The following DYNLL1 variants were observed in gnomAD, a reference collection of about 807,000 sequenced individuals.
The protein encoded by DYNLL1 is dynein light chain LC8-type 1, also known as dynein light chain 1, cytoplasmic.
A neutral mutation model predicts 10.1 loss-of-function variants in DYNLL1; 3 were observed. The ratio of observed to expected loss-of-function variants is 0.30; its 90% CI spans 0.14 to 0.77. The LOEUF is 0.77. Among genes scored for constraint, DYNLL1 ranks in the 30% least tolerant of loss-of-function variants. DYNLL1 has a pLI of 0.66. For synonymous variants in DYNLL1, 46 were observed against 41.2 expected, an observed-to-expected ratio of 1.12 and a Z score of -0.45; for missense variants, 47 against 111.7, an observed-to-expected ratio of 0.42 and a Z score of 2.61.
chr12:120,484,808 G>T (rs1048283194), intron 1 of DYNLL1, among the ~76,000 whole-genome samples: 3 of 150,558 alleles, frequency 2.0e-5, no homozygotes, highest in South Asian at 2.1e-4. Context: ...GCGCAATCTC[G>T]GATCACTGCA....
Position 120,496,227 on chromosome 12 carries a change from CG to C in DYNLL1, c.-7+17del. ...GCCCCCTTCTCCACGGTGAGAAACT[CG>C]GGGGGCCAGGGGGTGTCCTCGCTGC... On this transcript the variant is annotated intron_variant, in intron 1 of 2. Transcript: ENST00000242577. 1.3e-6 allele frequency: 1 copy of C among 790,492 alleles called. No homozygotes were observed. The highest frequency in any genetic ancestry group is 2.0e-6 in the Non-Finnish European group (1 of 501,612). 49.0% of individuals were successfully genotyped at this position (790,492 alleles called of 1,614,324 possible).
chr12:120,495,104 G>A (rs759565979), upstream of DYNLL1, among the ~76,000 whole-genome samples: 4 of 152,190 alleles, frequency 2.6e-5, no homozygotes, highest in South Asian at 8.3e-4. Flanking sequence ...AAATGACAGT[G>A]CTGGGATTTA....
chr12:120,487,059 C>T lies in DYNLL1; in HGVS notation c.-6-9357C>T, dbSNP rs11065137. Among the ~76,000 whole-genome samples the T allele has an allele frequency of 4.0e-5, 6 of 148,860 alleles. No homozygotes were observed. The East Asian group carries it at 6.1e-4, about 15-fold the overall frequency. On this transcript the variant is annotated intron_variant, in intron 1 of 2. Coordinates refer to the DYNLL1 transcript ENST00000392509. ...GCGCCATCTCGGCTCACTGCAAGCT[C>T]TGCCTCCCAGGTTCACACCATTGTC...
At chr12:120,497,547 AT>A (rs1868492061) in intron 2 of DYNLL1, 1 of 152,472 alleles carries the variant, frequency 6.6e-6, no homozygotes, top group Non-Finnish European at 1.5e-5. Flanking sequence ...GTTCCTGTAA[AT>A]TTAATTTTGA....
At chr12:120,495,168 C>T (rs1384519875), upstream of DYNLL1, 1 of 152,210 alleles carries the variant, frequency 6.6e-6, no homozygotes, top group Admixed American at 6.5e-5. Context: ...TTTTTAACCA[C>T]TTCGTGTCTC....
chr12:120,476,828 T>G (rs570852671), intron 1 of DYNLL1, among the ~76,000 whole-genome samples: 1 of 152,336 alleles, frequency 6.6e-6, no homozygotes, highest in East Asian at 1.9e-4. Context: ...GTCAGGCTGG[T>G]CTCGAACTCC....
Position 120,498,489 on chromosome 12 carries a change from A to G in DYNLL1, c.*279A>G. 1 of 317,018 alleles carries G rather than the reference A, an allele frequency of 3.2e-6. No individual in the cohort carries two copies. Among genetic ancestry groups the G allele is most frequent in the African/African-American group, 2.2e-5 (1 of 46,064 alleles). 19.6% of individuals were successfully genotyped at this position (317,018 alleles called of 1,614,324 possible). A position where few individuals can be genotyped will look rare whatever the true frequency, so the allele number is the denominator to read the frequency against. ...CCTTTAAAAAATAAATCTGATGCAGATGTGTATGTGTGTGAATTACAATTT... is the reference window on the plus strand; with the variant it reads ...CCTTTAAAAAATAAATCTGATGCAGGTGTGTATGTGTGTGAATTACAATTT... On this transcript the variant is annotated 3_prime_UTR_variant, in exon 3 of 3. Coordinates refer to ENST00000242577, the MANE Select transcript of DYNLL1 (RefSeq NM_003746.3).
chr12:120,498,379 A>G lies in DYNLL1; in HGVS notation c.*169A>G. 1.4e-6 allele frequency: 1 copy of G among 705,832 alleles called. No homozygotes were observed. Among genetic ancestry groups the G allele is most frequent in the South Asian group, 2.9e-5 (1 of 34,776 alleles). 43.7% of individuals were successfully genotyped at this position (705,832 alleles called of 1,614,324 possible). On this transcript the variant is annotated 3_prime_UTR_variant, in exon 3 of 3. Coordinates refer to ENST00000242577, the MANE Select transcript of DYNLL1 (RefSeq NM_003746.3). ...TTCTCTGTACTAGTTTGTCGTGGTTATAAAACAATTAGCAGAATAGCCTAC... is the reference window on the plus strand; with the variant it reads ...TTCTCTGTACTAGTTTGTCGTGGTTGTAAAACAATTAGCAGAATAGCCTAC...
rs151145851 is a variant in DYNLL1 at position 120,476,416 on chromosome 12, G to C, written c.-7+6312G>C. Among the ~76,000 whole-genome samples, 454 of 152,058 alleles carry C rather than the reference G, an allele frequency of 3.0e-3. 1 individual carries two copies. The highest frequency in any genetic ancestry group is 4.9e-3 in the Non-Finnish European group (333 of 68,014). ...ATGCCCAGTGGCTGAACTTCCTTCT[G>C]TCTGCCTGAGGCTGGCTCTCCCCCT... On this transcript the variant is annotated intron_variant, in intron 1 of 2. Transcript: ENST00000392509.
intron 1 of DYNLL1, among the ~76,000 whole-genome samples, chr12:120,485,529 C>T (rs1053497532): frequency 5.3e-5 from 8 of 151,912 alleles, no homozygotes; most frequent in South Asian, 4.2e-4. Context: ...GCTGGGATTA[C>T]GAAAAGCAGG....
At chr12:120,490,517 T>G (rs1379629182) in intron 1 of DYNLL1, 2 of 152,288 alleles carry the variant, frequency 1.3e-5, no homozygotes, top group Non-Finnish European at 2.9e-5. Context: ...ATTGTTGCTC[T>G]TTCCGTTCCT....
chr12:120,483,116 G>A (rs1447721299), intron 1 of DYNLL1, among the ~76,000 whole-genome samples: 1 of 151,958 alleles, frequency 6.6e-6, no homozygotes, highest in African/African-American at 2.4e-5. Flanking sequence ...GAGGCGGGTG[G>A]ATCACAAGGT....
At chr12:120,474,844 A>G (rs1878721170) in intron 1 of DYNLL1, among the ~76,000 whole-genome samples, 1 of 152,202 alleles carries the variant, frequency 6.6e-6, no homozygotes, top group East Asian at 1.9e-4. Flanking sequence ...GGAATGAGTC[A>G]CTGGGAAACG....
intron 1 of DYNLL1, among the ~76,000 whole-genome samples, chr12:120,483,010 T>C (rs1878915610): frequency 6.6e-6 from 1 of 151,454 alleles, no homozygotes; most frequent in Non-Finnish European, 1.5e-5. Context: ...AAGCCCAGGA[T>C]CCAGCCTGGA....
chr12:120,476,450 A>C (rs559818522), intron 1 of DYNLL1, among the ~76,000 whole-genome samples: 1 of 152,118 alleles, frequency 6.6e-6, no homozygotes, highest in Non-Finnish European at 1.5e-5. Flanking sequence ...CTCAGCCAGC[A>C]CATGTGCAGG....
In DYNLL1 at chr12:120,496,563, G is replaced by A. The variant is rs1868417568; in HGVS notation, c.132+10G>A. On this transcript the variant is annotated intron_variant, in intron 2 of 2. Transcript: ENST00000242577. ...GGCTCATATCAAGAAGGTGAGGATG[G>A]GCGCGGGGGCCGATACGCAGCCGGG... The A allele has an allele frequency of 6.2e-7, 1 of 1,613,756 alleles. No homozygotes were observed. Among genetic ancestry groups the A allele is most frequent in the Non-Finnish European group, 8.5e-7 (1 of 1,179,934 alleles).
At chr12:120,491,162 G>A (rs557640702), upstream of DYNLL1, 25 of 152,576 alleles carry the variant, frequency 1.6e-4, no homozygotes, top group African/African-American at 6.0e-4. Context: ...GGGCCTGTTA[G>A]TCCTCTCTGG....
At position 120,482,564 on chromosome 12, in the gene DYNLL1, C is replaced by T. The variant is rs952554469; in HGVS notation, c.-7+12460C>T. 4.6e-5 allele frequency among the ~76,000 whole-genome samples: 7 copies of T among 152,028 alleles called. No individual in the cohort carries two copies. In the South Asian group the frequency reaches 8.3e-4, roughly 18 times the overall value. The stretch of plus-strand genomic sequence containing the variant: ...GTTTCAATCTCCTGACCTTGTGATC[C>T]GCCTGCCTCGGCCTCCCAAAGTGCT... On this transcript the variant is annotated intron_variant, in intron 1 of 2. Coordinates refer to the DYNLL1 transcript ENST00000392509.
intron 1 of DYNLL1, chr12:120,491,057 G>A (rs1879114892): frequency 6.6e-6 from 1 of 152,466 alleles, no homozygotes; most frequent in African/African-American, 2.4e-5. Context: ...ACATGGCTTA[G>A]TAGGGACAGA....
Sources: gnomAD v4.1 joint callset for allele counts (sites outside exome capture counted in the v4.1 genomes callset) on GRCh38, gnomAD v4.1.1 for gene constraint, MANE v1.5 for transcripts, NCBI Gene and HGNC (gene_info 2026-07-23, HGNC 2026-07-21) for gene names.